The following CDH23 variants were observed in gnomAD, a reference collection of about 807,000 sequenced individuals.
CDH23 encodes cadherin related 23.
CDH23 carries 189 observed loss-of-function variants against 317.1 expected under a neutral mutation model. That is an observed-to-expected ratio of 0.60 (90% CI 0.53 to 0.67). The LOEUF is 0.67. Among genes scored for constraint, CDH23 ranks in the 30% least tolerant of loss-of-function variants. CDH23 has a pLI of 0.00. For synonymous variants in CDH23, 1,839 were observed against 1,876.8 expected (o/e 0.98, Z 0.52); for missense variants, 4,401 against 4,592.4 (o/e 0.96, Z 1.20).
At chr10:71,761,720 G>A (rs1001283730) in intron 38 of CDH23, 3 of 1,614,016 alleles carry the variant, frequency 1.9e-6, no homozygotes, top group African/African-American at 2.7e-5. Flanking sequence ...CATGGTGATG[G>A]AGAAGTTGCC....
chr10:71,778,262 C>T lies in CDH23; in HGVS notation c.5141C>T (p.Thr1714Ile). Residue 1714 changes from threonine (T) to isoleucine (I), a missense_variant, in exon 40 of 70, where the codon ACA becomes ATA. Physicochemically the swap from Thr to Ile is moderately conservative, Grantham distance 89 (BLOSUM62 -1). Transcript: ENST00000224721. Reference sequence around the variant, plus strand: ...CGCTACACCCTGATCGTCACTGCCACAGACCAGTGCCCCATCTTATCCCAC... The same window carrying T: ...CGCTACACCCTGATCGTCACTGCCATAGACCAGTGCCCCATCTTATCCCAC... ...HGRYTLIVTA[T>I]DQCPILSHRL... The T allele has an allele frequency of 3.1e-6, 5 of 1,613,970 alleles. No homozygotes were observed. Among genetic ancestry groups the T allele is most frequent in the East Asian group, 2.2e-5 (1 of 44,878 alleles).
At chr10:71,581,272 A>C (rs544111412) in intron 9 of CDH23, among the ~76,000 whole-genome samples, 1 of 152,332 alleles carries the variant, frequency 6.6e-6, no homozygotes, top group Admixed American at 6.5e-5. Flanking sequence ...AGAAAGAATT[A>C]AGGGCTTTGT....
rs139686996 is a variant in CDH23, at chr10:71,553,790, G to A, written c.430-12952G>A. ...GGGGCTGGGAGATGGAGCCCCATTT[G>A]TGAGCAATAGATCTGGGTACAAAGA... On this transcript the variant is annotated intron_variant, in intron 6 of 69. Coordinates refer to ENST00000224721, the MANE Select transcript of CDH23 (RefSeq NM_022124.6). Among the ~76,000 whole-genome samples the A allele has an allele frequency of 2.9e-4, 44 of 152,362 alleles. No individual in the cohort carries two copies. The East Asian group carries it at 8.3e-3, about 29-fold the overall frequency.
intron 20 of CDH23, 143 bp from the exon 21 acceptor site, chr10:71,694,004 C>A: frequency 2.8e-6 from 2 of 721,680 alleles, no homozygotes; most frequent in Non-Finnish European, 4.9e-6. Context: ...AGGAACACAT[C>A]CAGGCCGCCA....
Position 71,807,867 on chromosome 10 carries a change from TGGG to T in CDH23, c.8583_8585del (p.Gly2862del). 6.2e-7 allele frequency: 1 copy of T among 1,603,606 alleles called. No homozygotes were observed. Among genetic ancestry groups the T allele is most frequent in the Non-Finnish European group, 8.5e-7 (1 of 1,175,024 alleles). ...GCAGGGGTGGCCACCGACGCCAAGG[TGGG>T]CTCAGAGTTGATCCAGGTGCTGGCC... On this transcript the variant is annotated inframe_deletion, in exon 60 of 70. Coordinates refer to ENST00000224721, the MANE Select transcript of CDH23 (RefSeq NM_022124.6).
At chr10:71,765,347 G>T (rs1840509623) in intron 38 of CDH23, among the ~76,000 whole-genome samples, 1 of 152,250 alleles carries the variant, frequency 6.6e-6, no homozygotes, top group Non-Finnish European at 1.5e-5. Context: ...GCAGACACGG[G>T]GCTGCAGGCC....
chr10:71,534,520 ACTTTCTTGAAATAC>A (rs1855591593), intron 6 of CDH23, among the ~76,000 whole-genome samples: 1 of 152,048 alleles, frequency 6.6e-6, no homozygotes, highest in African/African-American at 2.4e-5. Context: ...TGACCCCTAC[ACTTTCTTGAAATAC>A]CTTTCATTCC....
chr10:71,569,510 C>T (rs1857634641), intron 7 of CDH23, among the ~76,000 whole-genome samples: 1 of 152,214 alleles, frequency 6.6e-6, no homozygotes, highest in African/African-American at 2.4e-5. Flanking sequence ...CAGAAAAGGA[C>T]ATCAGATTCC....
At chr10:71,596,684 G>A (rs1859870476) in intron 9 of CDH23, among the ~76,000 whole-genome samples, 1 of 152,214 alleles carries the variant, frequency 6.6e-6, no homozygotes, top group Non-Finnish European at 1.5e-5. Context: ...GGTTGCTCTG[G>A]ACAGACATGA....
intron 6 of CDH23, among the ~76,000 whole-genome samples, chr10:71,523,194 A>T (rs1253509964): frequency 6.6e-6 from 1 of 152,154 alleles, no homozygotes; most frequent in East Asian, 1.9e-4. Flanking sequence ...GCCTCCCACA[A>T]AGCTTCTGTT....
intron 15 of CDH23, among the ~76,000 whole-genome samples, chr10:71,677,249 C>T (rs1277757796): frequency 6.6e-6 from 1 of 152,180 alleles, no homozygotes; most frequent in African/African-American, 2.4e-5. Context: ...TCCTGCCCAC[C>T]TCGTGTGATC....
intron 1 of CDH23, among the ~76,000 whole-genome samples, chr10:71,409,954 A>G (rs1848276230): frequency 6.6e-6 from 1 of 152,156 alleles, no homozygotes; most frequent in African/African-American, 2.4e-5. Flanking sequence ...TCTGAGCAGC[A>G]GGCCTTACCT....
At chr10:71,476,579 G>T (rs957443072) in intron 3 of CDH23, among the ~76,000 whole-genome samples, 1 of 152,218 alleles carries the variant, frequency 6.6e-6, no homozygotes, top group Non-Finnish European at 1.5e-5. Context: ...AGAGGACAGA[G>T]GATGGGAGCA....
intron 49 of CDH23, 62 bp from the exon 50 acceptor site, chr10:71,798,292 A>G: frequency 7.6e-7 from 1 of 1,312,484 alleles, no homozygotes; most frequent in East Asian, 2.3e-5. Flanking sequence ...GAGGCTAAGG[A>G]AGGCCTGGCC....
chr10:71,498,817 C>A (rs1485063666), intron 3 of CDH23, among the ~76,000 whole-genome samples: 2 of 152,176 alleles, frequency 1.3e-5, no homozygotes, highest in African/African-American at 2.4e-5. Flanking sequence ...GGCAGAGGAG[C>A]TCCGGGTTTC....
intron 14 of CDH23, chr10:71,647,231 G>A (rs964399467): frequency 8.9e-6 from 3 of 337,200 alleles, no homozygotes; most frequent in African/African-American, 6.7e-5. Context: ...AGAAAGCCGA[G>A]GTGGGCGGAT....
chr10:71,705,179 G>A, intron 25 of CDH23, 49 bp downstream of exon 25: 1 of 1,528,788 alleles, frequency 6.5e-7, no homozygotes, highest in Non-Finnish European at 8.9e-7. Context: ...GTGGGCACAG[G>A]CCTGGGTCAG....
chr10:71,571,015 C>T, intron 8 of CDH23, 97 bp downstream of exon 8: 5 of 1,370,606 alleles, frequency 3.6e-6, no homozygotes, highest in Non-Finnish European at 4.1e-6. Context: ...GGCTGGGCTC[C>T]TCCTTGGCTC....
chr10:71,415,201 C>T (rs1316327218), intron 1 of CDH23, among the ~76,000 whole-genome samples: 4 of 152,184 alleles, frequency 2.6e-5, no homozygotes, highest in Non-Finnish European at 5.9e-5. Flanking sequence ...ACCTCTACCT[C>T]CTGGGCTCAA....
Sources: gnomAD v4.1 joint callset for allele counts (sites outside exome capture counted in the v4.1 genomes callset) on GRCh38, gnomAD v4.1.1 for gene constraint, MANE v1.5 for transcripts, NCBI Gene and HGNC (gene_info 2026-07-23, HGNC 2026-07-21) for gene names.